Variants in ADAMTS9 observed in about 807,000 individuals in gnomAD.
ADAMTS9 encodes A disintegrin and metalloproteinase with thrombospondin motifs 9.
In ADAMTS9, 107 loss-of-function variants were observed where a neutral mutation model predicts 257.1. The observed-to-expected ratio is 0.42, with a 90% CI of 0.36 to 0.49. The LOEUF (loss-of-function observed/expected upper bound fraction) is 0.49. ADAMTS9 is among the 20% of genes least tolerant of loss of function. ADAMTS9 has a pLI of 0.03. For missense variants in ADAMTS9, 2,353 were observed against 2,469.1 expected (o/e 0.95, Z 1.00); for synonymous variants, 982 against 880.9 (o/e 1.11, Z -2.03).
At chr3:64,603,244 G>C (rs9864390) in intron 25 of ADAMTS9, among the ~76,000 whole-genome samples, 58,503 of 151,912 alleles carry the variant, frequency 0.39, 11,354 homozygotes, top group African/African-American at 0.43. Context: ...GGTTTTTACA[G>C]AGCTCTGTTT....
chr3:64,561,396 A>C, intron 30 of ADAMTS9, 182 bp downstream of exon 30: 1 of 529,882 alleles, frequency 1.9e-6, no homozygotes, highest in Non-Finnish European at 3.1e-6. Context: ...TTGCTTAAAA[A>C]CAAGAAGTTC....
At chr3:64,581,092 T>C (rs909391028) in intron 28 of ADAMTS9, among the ~76,000 whole-genome samples, 77 of 152,332 alleles carry the variant, frequency 5.1e-4, no homozygotes, top group African/African-American at 1.8e-3. Flanking sequence ...GGATTGGCAA[T>C]AATGCACACA....
chr3:64,608,766 A>T (rs1483464446), intron 22 of ADAMTS9, among the ~76,000 whole-genome samples: 2 of 151,998 alleles, frequency 1.3e-5, no homozygotes, highest in Non-Finnish European at 2.9e-5. Context: ...AGAATAGGAG[A>T]ACACATCCTA....
intron 4 of ADAMTS9, among the ~76,000 whole-genome samples, chr3:64,656,247 A>G (rs926902756): frequency 6.6e-6 from 1 of 152,162 alleles, no homozygotes; most frequent in Non-Finnish European, 1.5e-5. Context: ...CGACACTGCT[A>G]TTCTTTAATG....
At chr3:64,542,038 G>C in intron 32 of ADAMTS9, 68 bp from the exon 33 acceptor site, 1 of 1,596,888 alleles carries the variant, frequency 6.3e-7, no homozygotes, top group Non-Finnish European at 8.5e-7. Flanking sequence ...TGGTGGTGTG[G>C]AGCTCAGAGC....
chr3:64,663,619 C>T (rs1004725438), intron 3 of ADAMTS9, among the ~76,000 whole-genome samples: 7 of 151,906 alleles, frequency 4.6e-5, no homozygotes, highest in Admixed American at 3.9e-4. Context: ...AGGCATTAAT[C>T]AGAAAAAGGC....
intron 16 of ADAMTS9, among the ~76,000 whole-genome samples, chr3:64,625,967 G>C (rs1559798490): frequency 6.6e-6 from 1 of 152,190 alleles, no homozygotes; most frequent in Non-Finnish European, 1.5e-5. Flanking sequence ...GCAGTAAAGT[G>C]AACTGGTTAA....
Position 64,615,451 on chromosome 3 carries a change from C to A in ADAMTS9, c.3059G>T (p.Arg1020Ile). 1.2e-6 allele frequency: 2 copies of A among 1,613,842 alleles called. No homozygotes were observed. The highest frequency in any genetic ancestry group is 1.7e-6 in the Non-Finnish European group (2 of 1,179,830). ...SKSCDGGTQR[R>I]RAICVNTRND... Reference sequence around the variant, plus strand: ...TCGGGTATTGACACAAATAGCCCTTCTCCTCTGGGTCCCACCGTCACAGCT... The same window carrying A: ...TCGGGTATTGACACAAATAGCCCTTATCCTCTGGGTCCCACCGTCACAGCT... The change falls in exon 21 of 40, where the codon AGA (arginine) becomes ATA (isoleucine). Residue 1020 changes from arginine to isoleucine, a missense_variant. Around this residue, in one of 3 missense-constraint regions of ADAMTS9, gnomAD observed 1,402 missense variants for 1,441.4 expected, o/e 0.97. Coordinates refer to ENST00000498707, the MANE Select transcript of ADAMTS9 (RefSeq NM_182920.2).
intron 39 of ADAMTS9, among the ~76,000 whole-genome samples, chr3:64,517,327 G>A (rs1388132750): frequency 6.7e-6 from 1 of 149,590 alleles, no homozygotes; most frequent in Non-Finnish European, 1.5e-5. Context: ...CTTCAGCCTT[G>A]ACCTCCTGGG....
At chr3:64,526,149 A>G (rs1575978023) in intron 38 of ADAMTS9, among the ~76,000 whole-genome samples, 1 of 142,102 alleles carries the variant, frequency 7.0e-6, no homozygotes, top group East Asian at 2.0e-4. Flanking sequence ...ATAATTGTAT[A>G]TTTCAAAATA....
intron 22 of ADAMTS9, among the ~76,000 whole-genome samples, chr3:64,612,714 G>A (rs2106836347): frequency 6.6e-6 from 1 of 152,250 alleles, no homozygotes; most frequent in African/African-American, 2.4e-5. Context: ...TTCTATATTA[G>A]GAAGGACTTA....
rs76434819 is a variant in ADAMTS9, at chr3:64,638,025, G to A, written c.1856+3823C>T. Among the ~76,000 whole-genome samples the A allele has an allele frequency of 3.7e-3, 565 of 152,276 alleles. 4 individuals carry two copies. Among genetic ancestry groups the A allele is most frequent in the African/African-American group, 0.013 (533 of 41,540 alleles). On this transcript the variant is annotated intron_variant, in intron 12 of 39. Coordinates refer to ENST00000498707, the MANE Select transcript of ADAMTS9 (RefSeq NM_182920.2). ...ATTTTTTTGGATGAAATAGACATAT[G>A]TCTTAAATATGTTTTTAAAGTAAGA...
In ADAMTS9 at chr3:64,604,181, T is replaced by C. The variant is rs2084516675; in HGVS notation, c.3579+46A>G. 6.2e-6 allele frequency: 10 copies of C among 1,600,462 alleles called. No homozygotes were observed. The East Asian group carries it at 1.3e-4, about 21-fold the overall frequency. ...CTTTCTATAGCCATGTCTGAGAATG[T>C]TAGCCCCCATCCTGCCCTCCCCATT... On this transcript the variant is annotated intron_variant, in intron 24 of 39. Coordinates refer to ENST00000498707, the MANE Select transcript of ADAMTS9 (RefSeq NM_182920.2).
chr3:64,639,999 T>C (rs773297752), intron 12 of ADAMTS9, among the ~76,000 whole-genome samples: 2 of 152,202 alleles, frequency 1.3e-5, no homozygotes, highest in Non-Finnish European at 2.9e-5. Flanking sequence ...TGTGACAACT[T>C]CTAAAATATT....
intron 19 of ADAMTS9, among the ~76,000 whole-genome samples, chr3:64,616,809 T>A (rs1331629555): frequency 6.6e-6 from 1 of 152,200 alleles, no homozygotes. Flanking sequence ...GATTTAGAAA[T>A]CCAAAAAGGG....
intron 30 of ADAMTS9, among the ~76,000 whole-genome samples, chr3:64,551,670 T>C (rs2083273526): frequency 6.6e-6 from 1 of 152,220 alleles, no homozygotes; most frequent in South Asian, 2.1e-4. Context: ...TGACTTGATA[T>C]TGACACTTAT....
intron 3 of ADAMTS9, among the ~76,000 whole-genome samples, chr3:64,679,197 T>C (rs1168144544): frequency 1.3e-5 from 2 of 152,220 alleles, no homozygotes; most frequent in Non-Finnish European, 2.9e-5. Flanking sequence ...AAATCAAATG[T>C]CCATTAACTT....
At chr3:64,523,391 G>T (rs112351342) in intron 38 of ADAMTS9, among the ~76,000 whole-genome samples, 2,259 of 152,196 alleles carry the variant, frequency 0.015, 45 homozygotes, top group African/African-American at 0.052. Flanking sequence ...AGAGTCTAGT[G>T]GAACTAGTGG....
At chr3:64,668,407 T>C (rs1701401634) in intron 3 of ADAMTS9, among the ~76,000 whole-genome samples, 1 of 152,174 alleles carries the variant, frequency 6.6e-6, no homozygotes, top group Non-Finnish European at 1.5e-5. Context: ...TTGCAGAGTG[T>C]ATACCAGAGA....
Sources: gnomAD v4.1 joint callset for allele counts (sites outside exome capture counted in the v4.1 genomes callset) on GRCh38, gnomAD v4.1.1 for gene constraint, gnomAD v4.1.1 regional missense constraint, MANE v1.5 for transcripts, NCBI Gene and HGNC (gene_info 2026-07-23, HGNC 2026-07-21) for gene names.